ABHD12: variants seen among roughly 807,000 people sequenced by gnomAD.
ABHD12 encodes abhydrolase domain containing 12, lysophospholipase.
A neutral mutation model predicts 58.3 loss-of-function variants in ABHD12; 43 were observed. The ratio of observed to expected loss-of-function variants is 0.74; its 90% confidence interval spans 0.58 to 0.95. ABHD12 has a LOEUF of 0.95. ABHD12 is among the 40% of genes least tolerant of loss of function. ABHD12 has a pLI of 0.00. For missense variants in ABHD12, 539 were observed against 537.2 expected (o/e 1.00, Z -0.03); for synonymous variants, 219 against 211.2 (o/e 1.04, Z -0.32).
chr20:25,384,579 T>A (rs1319587511), intron 1 of ABHD12, among the ~76,000 whole-genome samples: 1 of 151,804 alleles, frequency 6.6e-6, no homozygotes, highest in Non-Finnish European at 1.5e-5. Flanking sequence ...ACTCTGTCTC[T>A]ACAAAAAATA....
intron 1 of ABHD12, among the ~76,000 whole-genome samples, chr20:25,349,244 A>C (rs376669596): frequency 6.6e-6 from 1 of 152,226 alleles, no homozygotes; most frequent in South Asian, 2.1e-4. Flanking sequence ...AGTTTCAAAT[A>C]TGAAGAGATA....
intron 1 of ABHD12, among the ~76,000 whole-genome samples, chr20:25,369,443 A>C (rs971665231): frequency 3.3e-5 from 5 of 152,154 alleles, no homozygotes; most frequent in African/African-American, 1.2e-4. Context: ...GAGTTCTACT[A>C]AACACATTAC....
intron 4 of ABHD12, among the ~76,000 whole-genome samples, chr20:25,318,207 C>G (rs1020774415): frequency 6.6e-6 from 1 of 152,074 alleles, no homozygotes; most frequent in East Asian, 1.9e-4. Flanking sequence ...CCCAGCTACT[C>G]GGGAGACCGA....
intron 1 of ABHD12, 59 bp downstream of exon 1, chr20:25,390,454 C>T: frequency 7.3e-7 from 1 of 1,370,666 alleles, no homozygotes; most frequent in Non-Finnish European, 9.4e-7. Flanking sequence ...CTGCGGGACG[C>T]ACCTGCGCAA....
At chr20:25,375,905 G>A (rs903561865) in intron 1 of ABHD12, among the ~76,000 whole-genome samples, 16 of 152,062 alleles carry the variant, frequency 1.1e-4, no homozygotes, top group East Asian at 3.9e-4. Context: ...GGTGGATCAC[G>A]AGGTCAGGAG....
At position 25,348,670 on chromosome 20, in the gene ABHD12, C is replaced by T. The variant is rs571127283; in HGVS notation, c.192-9319G>A. Reference sequence around the variant, plus strand: ...GTAGCGACAACTCACTCAAATTGTGCGGAAAAAAACTAATTAAACCTTTCT... The same window carrying T: ...GTAGCGACAACTCACTCAAATTGTGTGGAAAAAAACTAATTAAACCTTTCT... On this transcript the variant is annotated intron_variant, in intron 1 of 12. Coordinates refer to ENST00000339157, the MANE Select transcript of ABHD12 (RefSeq NM_001042472.3). Among the ~76,000 whole-genome samples the T allele has an allele frequency of 1.1e-4, 17 of 151,930 alleles. No homozygotes were observed. The South Asian group carries it at 1.7e-3, about 15-fold the overall frequency.
At chr20:25,314,042 G>A (rs982438498) in intron 6 of ABHD12, among the ~76,000 whole-genome samples, 4 of 150,916 alleles carry the variant, frequency 2.7e-5, no homozygotes, top group Non-Finnish European at 4.4e-5. Context: ...GTGCAGTCTC[G>A]GCTCACTGCA....
downstream of ABHD12, among the ~76,000 whole-genome samples, chr20:25,295,863 GA>G (rs1445741462): frequency 6.6e-6 from 1 of 152,178 alleles, no homozygotes; most frequent in Non-Finnish European, 1.5e-5. Context: ...TCCCTCCGTT[GA>G]AAAAAACAGC....
chr20:25,325,989 T>C (rs1386559802), intron 2 of ABHD12, among the ~76,000 whole-genome samples: 3 of 149,534 alleles, frequency 2.0e-5, no homozygotes, highest in Non-Finnish European at 3.0e-5. Context: ...GAGAATGGCT[T>C]GAACCCGGGA....
chr20:25,383,954 CAAAAAAA>C (rs1201588127), intron 1 of ABHD12, among the ~76,000 whole-genome samples: 18 of 53,366 alleles, frequency 3.4e-4, no homozygotes, highest in Admixed American at 5.3e-4. Flanking sequence ...GACTCTTTCT[CAAAAAAA>C]AAAAAAAAAA....
chr20:25,296,665 G>A, downstream of ABHD12: 1 of 1,177,618 alleles, frequency 8.5e-7, no homozygotes, highest in South Asian at 1.6e-5. Flanking sequence ...TGGGGGTCAG[G>A]GTGGTTTTGA....
At chr20:25,298,385 C>T (rs2088584187), downstream of ABHD12, among the ~76,000 whole-genome samples, 1 of 152,172 alleles carries the variant, frequency 6.6e-6, no homozygotes, top group Non-Finnish European at 1.5e-5. Context: ...CCTGCCTCAG[C>T]CTCCCGAGTA....
intron 10 of ABHD12, among the ~76,000 whole-genome samples, chr20:25,304,001 C>T (rs2088688927): frequency 6.6e-6 from 1 of 152,256 alleles, no homozygotes; most frequent in Non-Finnish European, 1.5e-5. Context: ...TCTAATTTAT[C>T]TGTGTAAGTG....
chr20:25,379,641 A>T (rs907193345), intron 1 of ABHD12, among the ~76,000 whole-genome samples: 4 of 152,182 alleles, frequency 2.6e-5, no homozygotes, highest in African/African-American at 9.7e-5. Context: ...CACACTCCAG[A>T]CTGCTCTAAT....
At chr20:25,337,585 A>C (rs917119260) in intron 2 of ABHD12, among the ~76,000 whole-genome samples, 1 of 152,266 alleles carries the variant, frequency 6.6e-6, no homozygotes, top group Non-Finnish European at 1.5e-5. Context: ...ACAATGTACC[A>C]GGCCACGCAG....
intron 4 of ABHD12, 44 bp from the exon 5 acceptor site, chr20:25,317,122 G>C: frequency 6.5e-7 from 1 of 1,540,568 alleles, no homozygotes; most frequent in Middle Eastern, 1.7e-4. Context: ...TCTTCTCAGA[G>C]TTGGGCCCCA....
downstream of ABHD12, chr20:25,297,731 G>C (rs537191094): frequency 6.6e-6 from 1 of 152,454 alleles, no homozygotes; most frequent in African/African-American, 2.4e-5. Context: ...GCTGGATCTG[G>C]GCTGCGGGGA....
At chr20:25,386,057 C>T (rs1383757766) in intron 1 of ABHD12, among the ~76,000 whole-genome samples, 6 of 151,344 alleles carry the variant, frequency 4.0e-5, no homozygotes, top group Non-Finnish European at 7.4e-5. Flanking sequence ...GCCAAGATCG[C>T]GCCACTGCAC....
At position 25,389,053 on chromosome 20, in the gene ABHD12, G is replaced by A. The variant is rs73331834; in HGVS notation, c.191+1460C>T. Among the ~76,000 whole-genome samples, 1,002 of 152,058 alleles carry A rather than the reference G, an allele frequency of 6.6e-3. 16 individuals carry two copies. The highest frequency in any genetic ancestry group is 0.023 in the African/African-American group (958 of 41,500). On this transcript the variant is annotated intron_variant, in intron 1 of 12. Transcript: ENST00000339157. ...ACTCCTGACCTCTGATAATCTGCCC[G>A]CCTCGGTCTCCCAGAGTGCTGGCAT... is the stretch of plus-strand genomic sequence containing the variant.
Sources: gnomAD v4.1 joint callset for allele counts (sites outside exome capture counted in the v4.1 genomes callset) on GRCh38, gnomAD v4.1.1 for gene constraint, MANE v1.5 for transcripts, NCBI Gene and HGNC (gene_info 2026-07-23, HGNC 2026-07-21) for gene names.